KIAA1328: variants seen among roughly 807,000 people sequenced by gnomAD.
KIAA1328 encodes protein hinderin.
In KIAA1328, 52 loss-of-function variants were observed where a neutral mutation model predicts 68.1. That is an observed-to-expected ratio of 0.76 (90% CI 0.61 to 0.96). The LOEUF is 0.96. Among genes scored for constraint, KIAA1328 ranks in the 40% least tolerant of loss-of-function variants. The pLI, the probability that KIAA1328 is intolerant of heterozygous loss-of-function variation, is 0.00. For missense variants in KIAA1328, 641 were observed against 677.6 expected, an observed-to-expected ratio of 0.95 and a Z score of 0.60; for synonymous variants, 232 against 239.4, an observed-to-expected ratio of 0.97 and a Z score of 0.28.
chr18:37,181,604 A>G (rs551342889), intron 9 of KIAA1328, among the ~76,000 whole-genome samples: 1 of 152,320 alleles, frequency 6.6e-6, no homozygotes, highest in South Asian at 2.1e-4. Context: ...GGCAGAAATA[A>G]TAACGATGTA....
At chr18:37,219,822 C>G (rs1401384068) in intron 9 of KIAA1328, among the ~76,000 whole-genome samples, 2 of 152,210 alleles carry the variant, frequency 1.3e-5, no homozygotes, top group Non-Finnish European at 2.9e-5. Flanking sequence ...GGCTTGCCCT[C>G]TGTGGGCTGC....
intron 6 of KIAA1328, among the ~76,000 whole-genome samples, chr18:36,963,986 A>G (rs1387006013): frequency 1.3e-5 from 2 of 152,220 alleles, no homozygotes; most frequent in Admixed American, 1.3e-4. Flanking sequence ...AACTCAATGA[A>G]ATAAGGTAGG....
At chr18:37,229,208 G>T (rs2060653882), downstream of KIAA1328, among the ~76,000 whole-genome samples, 1 of 152,152 alleles carries the variant, frequency 6.6e-6, no homozygotes, top group East Asian at 1.9e-4. Context: ...TAGAGTGGAG[G>T]CCGGTGGGTG....
At chr18:37,130,358 G>A (rs2058492839) in intron 7 of KIAA1328, among the ~76,000 whole-genome samples, 2 of 152,140 alleles carry the variant, frequency 1.3e-5, no homozygotes, top group African/African-American at 4.8e-5. Context: ...GGTGGCTCAC[G>A]CCTGTAATCC....
intron 9 of KIAA1328, among the ~76,000 whole-genome samples, chr18:37,185,810 C>A (rs1013379964): frequency 1.3e-5 from 2 of 149,722 alleles, no homozygotes; most frequent in South Asian, 4.2e-4. Context: ...CCCTCCCCCC[C>A]AAAAAAAAAG....
downstream of KIAA1328, among the ~76,000 whole-genome samples, chr18:37,229,300 C>T (rs1036574416): frequency 9.2e-5 from 14 of 152,154 alleles, no homozygotes; most frequent in African/African-American, 3.4e-4. Context: ...CTTATTCAAT[C>T]CTTATGAGAT....
At chr18:37,034,642 G>T (rs1026353379) in intron 6 of KIAA1328, among the ~76,000 whole-genome samples, 10 of 152,144 alleles carry the variant, frequency 6.6e-5, no homozygotes, top group Non-Finnish European at 1.2e-4. Flanking sequence ...TATCTCATTT[G>T]CAATGGTACA....
At chr18:36,925,006 C>T (rs2050061374) in intron 5 of KIAA1328, 1 of 152,118 alleles carries the variant, frequency 6.6e-6, no homozygotes, top group Non-Finnish European at 1.5e-5. Context: ...GGTCATTGGG[C>T]GTACCCTTTG....
chr18:36,985,272 C>T (rs1183029642), intron 6 of KIAA1328, among the ~76,000 whole-genome samples: 1 of 152,192 alleles, frequency 6.6e-6, no homozygotes, highest in Non-Finnish European at 1.5e-5. Flanking sequence ...TGCACTCCAA[C>T]CTGTGCAACA....
intron 9 of KIAA1328, among the ~76,000 whole-genome samples, chr18:37,191,730 A>G (rs929439826): frequency 6.6e-6 from 1 of 152,210 alleles, no homozygotes; most frequent in African/African-American, 2.4e-5. Context: ...CATTAACTGT[A>G]TTAACCCAAA....
intron 6 of KIAA1328, among the ~76,000 whole-genome samples, chr18:37,012,085 A>G (rs1313481121): frequency 6.6e-6 from 1 of 152,230 alleles, no homozygotes; most frequent in East Asian, 1.9e-4. Context: ...AAATAAGTAT[A>G]TTAAATCTTT....
chr18:36,934,787 G>A (rs1347415492), intron 5 of KIAA1328, among the ~76,000 whole-genome samples: 1 of 152,032 alleles, frequency 6.6e-6, no homozygotes, highest in African/African-American at 2.4e-5. Context: ...ATAAATGTAA[G>A]TTTAGAGGTG....
chr18:37,106,880 C>T (rs1380596615), intron 7 of KIAA1328, among the ~76,000 whole-genome samples: 1 of 152,182 alleles, frequency 6.6e-6, no homozygotes, highest in South Asian at 2.1e-4. Context: ...AGTACATAAG[C>T]TTTTCCCCTT....
intron 5 of KIAA1328, among the ~76,000 whole-genome samples, chr18:36,946,940 A>T (rs745893128): frequency 3.3e-5 from 5 of 152,190 alleles, no homozygotes; most frequent in Non-Finnish European, 5.9e-5. Flanking sequence ...TATATGAGGA[A>T]CACTTGATGT....
chr18:37,103,581 G>A (rs2057686629), intron 7 of KIAA1328, among the ~76,000 whole-genome samples: 1 of 152,058 alleles, frequency 6.6e-6, no homozygotes, highest in South Asian at 2.1e-4. Flanking sequence ...AACATTTTAG[G>A]ACATTGGTCT....
intron 8 of KIAA1328, among the ~76,000 whole-genome samples, chr18:37,167,048 T>A (rs574166074): frequency 1.4e-4 from 22 of 152,278 alleles, no homozygotes; most frequent in African/African-American, 5.3e-4. Flanking sequence ...GAGGAAAGAA[T>A]ATATCCTAAT....
At chr18:37,042,964 A>G (rs1457145962) in intron 6 of KIAA1328, among the ~76,000 whole-genome samples, 1 of 151,632 alleles carries the variant, frequency 6.6e-6, no homozygotes, top group East Asian at 1.9e-4. Context: ...AATAATCTCT[A>G]TTAATCTGTT....
chr18:37,054,877 G>A (rs2055847809), intron 6 of KIAA1328, among the ~76,000 whole-genome samples: 1 of 152,170 alleles, frequency 6.6e-6, no homozygotes, highest in African/African-American at 2.4e-5. Context: ...AATGTTGACA[G>A]GCCAGAGGTA....
intron 9 of KIAA1328, among the ~76,000 whole-genome samples, chr18:37,174,178 A>G (rs1173511003): frequency 1.3e-5 from 2 of 152,184 alleles, no homozygotes; most frequent in African/African-American, 4.8e-5. Flanking sequence ...TAAAATTAGG[A>G]AACTAAAGTT....
Sources: allele counts gnomAD v4.1 joint callset (sites outside exome capture counted in the v4.1 genomes callset), GRCh38; gene constraint gnomAD v4.1.1; transcripts MANE v1.5; gene names NCBI Gene and HGNC (gene_info 2026-07-23, HGNC 2026-07-21).